The following IKZF1 variants were observed in gnomAD, a reference collection of about 807,000 sequenced individuals.
The protein encoded by IKZF1 is IKAROS family zinc finger 1, also known as DNA-binding protein Ikaros.
In IKZF1, 10 loss-of-function variants were observed where a neutral mutation model predicts 51.7. The ratio of observed to expected loss-of-function variants is 0.19; its 90% CI spans 0.12 to 0.33. IKZF1 has a LOEUF of 0.33. Ranked by LOEUF, IKZF1 falls within the 10% of genes least tolerant of loss-of-function variation. IKZF1 has a pLI of 1.00. For missense variants in IKZF1, 484 were observed against 707.5 expected, an observed-to-expected ratio of 0.68 and a Z score of 3.58; for synonymous variants, 280 against 282.3, an observed-to-expected ratio of 0.99 and a Z score of 0.08.
intron 3 of IKZF1, among the ~76,000 whole-genome samples, chr7:50,375,272 A>AAC (rs1162272976): frequency 3.3e-5 from 5 of 152,180 alleles, no homozygotes; most frequent in African/African-American, 1.2e-4. Context: ...ACACCAAAAA[A>AAC]AAATGGCTGG....
At chr7:50,356,100 ATG>A (rs1362031417) in intron 3 of IKZF1, among the ~76,000 whole-genome samples, 1 of 152,194 alleles carries the variant, frequency 6.6e-6, no homozygotes, top group Non-Finnish European at 1.5e-5. Context: ...TTAAAAAATG[ATG>A]TGGGGGTCCC....
At chr7:50,351,058 T>C (rs1801741618) in intron 3 of IKZF1, among the ~76,000 whole-genome samples, 1 of 152,258 alleles carries the variant, frequency 6.6e-6, no homozygotes, top group African/African-American at 2.4e-5. Flanking sequence ...CCTCTCGGAA[T>C]AAAATAGTGG....
At chr7:50,354,482 A>G (rs373697336) in intron 3 of IKZF1, among the ~76,000 whole-genome samples, 2 of 152,204 alleles carry the variant, frequency 1.3e-5, no homozygotes, top group African/African-American at 4.8e-5. Flanking sequence ...TGCCCCCGTT[A>G]TTGAACACAG....
intron 3 of IKZF1, among the ~76,000 whole-genome samples, chr7:50,370,729 G>T (rs918528824): frequency 2.6e-5 from 4 of 152,154 alleles, no homozygotes; most frequent in Non-Finnish European, 4.4e-5. Flanking sequence ...CCCACGGTGG[G>T]CATGAGCCAG....
chr7:50,383,546 A>G (rs1417632647), intron 5 of IKZF1, among the ~76,000 whole-genome samples: 1 of 152,194 alleles, frequency 6.6e-6, no homozygotes, highest in East Asian at 1.9e-4. Context: ...AGTGTGGTCT[A>G]TACAACATGA....
intron 6 of IKZF1, chr7:50,388,560 C>T (rs1814091920): frequency 6.6e-6 from 1 of 152,228 alleles, no homozygotes; most frequent in Admixed American, 6.5e-5. Flanking sequence ...GGCGATTCCT[C>T]CAGGCCTCAA....
chr7:50,314,704 G>A (rs1336500971), intron 1 of IKZF1, among the ~76,000 whole-genome samples: 3 of 152,230 alleles, frequency 2.0e-5, no homozygotes, highest in African/African-American at 7.2e-5. Context: ...TCAGAAAAGA[G>A]AGGGGAGCTG....
chr7:50,358,539 C>T (rs913718694), intron 3 of IKZF1, among the ~76,000 whole-genome samples: 7 of 152,154 alleles, frequency 4.6e-5, no homozygotes, highest in African/African-American at 1.2e-4. Flanking sequence ...TGGTTTCATA[C>T]GTGAGGAAGC....
At chr7:50,312,070 C>T (rs541888075) in intron 1 of IKZF1, among the ~76,000 whole-genome samples, 1 of 152,252 alleles carries the variant, frequency 6.6e-6, no homozygotes, top group African/African-American at 2.4e-5. Context: ...CATATTGCTG[C>T]ACAGCTCCTG....
chr7:50,342,750 C>T (rs895139607), intron 3 of IKZF1, among the ~76,000 whole-genome samples: 26 of 151,916 alleles, frequency 1.7e-4, no homozygotes, highest in Non-Finnish European at 3.1e-4. Flanking sequence ...ATAGCCCAAG[C>T]GGGGCCACCC....
intron 1 of IKZF1, among the ~76,000 whole-genome samples, chr7:50,313,872 G>C (rs190423866): frequency 6.6e-6 from 1 of 152,216 alleles, no homozygotes; most frequent in Admixed American, 6.5e-5. Flanking sequence ...GTCTTATGAG[G>C]CTTAACCATT....
chr7:50,358,730 C>T (rs150049054), intron 3 of IKZF1, among the ~76,000 whole-genome samples: 7 of 151,586 alleles, frequency 4.6e-5, no homozygotes, highest in African/African-American at 1.2e-4. Context: ...TTATACAGCA[C>T]GGGGCTTTTT....
intron 3 of IKZF1, among the ~76,000 whole-genome samples, chr7:50,351,536 A>G (rs1383842407): frequency 6.6e-6 from 1 of 152,226 alleles, no homozygotes; most frequent in African/African-American, 2.4e-5. Context: ...CAATCAAATC[A>G]ACAATATCTT....
At chr7:50,329,527 A>G (rs1290838697) in intron 3 of IKZF1, among the ~76,000 whole-genome samples, 3 of 152,248 alleles carry the variant, frequency 2.0e-5, no homozygotes, top group Non-Finnish European at 4.4e-5. Context: ...ACACATTCAT[A>G]TAAATTAAAA....
intron 3 of IKZF1, among the ~76,000 whole-genome samples, chr7:50,342,154 T>C (rs1799201769): frequency 6.6e-6 from 1 of 152,216 alleles, no homozygotes; most frequent in Non-Finnish European, 1.5e-5. Flanking sequence ...CCACATTTGA[T>C]GTAAAGAAAA....
intron 6 of IKZF1, among the ~76,000 whole-genome samples, chr7:50,389,486 C>T (rs1225717816): frequency 2.6e-5 from 4 of 152,056 alleles, no homozygotes; most frequent in Non-Finnish European, 4.4e-5. Flanking sequence ...CCTCTATGTC[C>T]CCACACTCAG....
chr7:50,393,777 T>C, intron 7 of IKZF1: 1 of 232,864 alleles, frequency 4.3e-6, no homozygotes, highest in East Asian at 6.1e-5. Context: ...AGCCAGCATC[T>C]GCCTGGGGTG....
chr7:50,328,876 A>G (rs1029888826), intron 3 of IKZF1: 1 of 152,186 alleles, frequency 6.6e-6, no homozygotes, highest in African/African-American at 2.4e-5. Context: ...AATCGAGACC[A>G]TCCTGGCTAA....
At chr7:50,387,802 C>A (rs1173041760) in intron 6 of IKZF1, among the ~76,000 whole-genome samples, 1 of 152,088 alleles carries the variant, frequency 6.6e-6, no homozygotes, top group East Asian at 1.9e-4. Context: ...AAAAAAAACA[C>A]CTCAAGTAGT....
Sources: allele counts gnomAD v4.1 joint callset (sites outside exome capture counted in the v4.1 genomes callset), GRCh38; gene constraint gnomAD v4.1.1; transcripts MANE v1.5; gene names NCBI Gene and HGNC (gene_info 2026-07-23, HGNC 2026-07-21).